The following ZSCAN5A variants were observed in gnomAD, a reference collection of about 807,000 sequenced individuals.
ZSCAN5A encodes the protein zinc finger and SCAN domain containing 5A.
ZSCAN5A carries 12 observed loss-of-function variants against 23.7 expected under a neutral mutation model. The observed-to-expected ratio is 0.51, with a 90% CI of 0.32 to 0.82. The LOEUF is 0.82. ZSCAN5A is among the 40% of genes least tolerant of loss of function. ZSCAN5A has a pLI of 0.03. For missense variants in ZSCAN5A, 597 were observed against 617.9 expected (o/e 0.97, Z 0.36); for synonymous variants, 257 against 239.9 (o/e 1.07, Z -0.66).
chr19:56,271,218 C>T (rs2037825264), intron 2 of ZSCAN5A, among the ~76,000 whole-genome samples: 1 of 152,218 alleles, frequency 6.6e-6, no homozygotes, highest in African/African-American at 2.4e-5. Flanking sequence ...CCACTGCCAG[C>T]TTCCTTATGC....
chr19:56,295,547 A>G (rs1235428382), intron 2 of ZSCAN5A, among the ~76,000 whole-genome samples: 1 of 152,124 alleles, frequency 6.6e-6, no homozygotes, highest in Non-Finnish European at 1.5e-5. Context: ...GTGAGCCGAG[A>G]TCGTCCCACT....
intron 2 of ZSCAN5A, among the ~76,000 whole-genome samples, chr19:56,243,227 G>GGGGCTGGGGTGGGTGGGC: frequency 1.3e-5 from 2 of 152,044 alleles, no homozygotes; most frequent in Non-Finnish European, 2.9e-5. Context: ...TGGGTGGGCA[G>GGGGCTGGGGTGGGTGGGC]AGGGTGATCA....
At chr19:56,312,433 C>G (rs930252453) in intron 2 of ZSCAN5A, 1 of 152,172 alleles carries the variant, frequency 6.6e-6, no homozygotes, top group Admixed American at 6.5e-5. Flanking sequence ...ACACCTAGTC[C>G]GTACACCTCA....
chr19:56,223,573 G>A (rs1175160000), intron 4 of ZSCAN5A, 58 bp downstream of exon 4: 18 of 1,578,780 alleles, frequency 1.1e-5, no homozygotes, highest in East Asian at 9.0e-5. Context: ...GCGGCCACAC[G>A]ATTTCCTCCT....
intron 2 of ZSCAN5A, among the ~76,000 whole-genome samples, chr19:56,276,801 TGCTGGGATTACAGGTGTGA>T (rs1208858809): frequency 1.3e-5 from 2 of 152,230 alleles, no homozygotes; most frequent in South Asian, 2.1e-4. Flanking sequence ...CCTCCCAAAG[TGCTGGGATTACAGGTGTGA>T]GCCACTGTGC....
At chr19:56,345,071 A>C (rs1034115499) in intron 2 of ZSCAN5A, among the ~76,000 whole-genome samples, 1 of 152,066 alleles carries the variant, frequency 6.6e-6, no homozygotes, top group Admixed American at 6.5e-5. Context: ...CGCCACTACA[A>C]ATCCAGCCTG....
chr19:56,313,854 C>G (rs2041198581), intron 1 of ZSCAN5A, among the ~76,000 whole-genome samples: 1 of 152,162 alleles, frequency 6.6e-6, no homozygotes, highest in African/African-American at 2.4e-5. Flanking sequence ...AGATTTCAAT[C>G]ATCTGGTGAG....
intron 2 of ZSCAN5A, among the ~76,000 whole-genome samples, chr19:56,238,162 A>T (rs371867138): frequency 6.6e-6 from 1 of 151,424 alleles, no homozygotes; most frequent in Non-Finnish European, 1.5e-5. Context: ...ATACGCACAC[A>T]TACACACACA....
At chr19:56,362,543 T>A (rs1394502417) in intron 2 of ZSCAN5A, among the ~76,000 whole-genome samples, 1 of 151,286 alleles carries the variant, frequency 6.6e-6, no homozygotes, top group Admixed American at 6.6e-5. Flanking sequence ...GGCAACAGAG[T>A]GAGGCTCCAT....
At chr19:56,340,270 A>G (rs747930554) in intron 2 of ZSCAN5A, among the ~76,000 whole-genome samples, 74 of 152,216 alleles carry the variant, frequency 4.9e-4, no homozygotes, top group Non-Finnish European at 8.8e-5. Flanking sequence ...CCCCCCTATC[A>G]TCTTTCTGTC....
chr19:56,367,817 A>G (rs1208401459), intron 1 of ZSCAN5A: 1 of 152,246 alleles, frequency 6.6e-6, no homozygotes, highest in African/African-American at 2.4e-5. Context: ...ATAGGGTCAC[A>G]TATCAAATCA....
intron 2 of ZSCAN5A, chr19:56,244,112 C>A: frequency 6.5e-7 from 1 of 1,533,570 alleles, no homozygotes; most frequent in Non-Finnish European, 9.0e-7. Flanking sequence ...AGAGCCGCCA[C>A]AGTCTGTGGC....
intron 2 of ZSCAN5A, among the ~76,000 whole-genome samples, chr19:56,324,046 G>C (rs539939601): frequency 4.1e-4 from 62 of 152,090 alleles, no homozygotes; most frequent in African/African-American, 1.3e-3. Context: ...AACTATAGTT[G>C]CCCTGCTGTA....
intron 4 of ZSCAN5A, 61 bp from the exon 5 acceptor site, chr19:56,222,802 A>G: frequency 6.2e-7 from 1 of 1,609,658 alleles, no homozygotes; most frequent in Non-Finnish European, 8.5e-7. Context: ...GCAGGGACAC[A>G]TCTGTCCCCT....
chr19:56,261,034 C>T (rs537021624), intron 2 of ZSCAN5A, among the ~76,000 whole-genome samples: 2 of 151,812 alleles, frequency 1.3e-5, no homozygotes, highest in Non-Finnish European at 2.9e-5. Context: ...ATGGTGAAAC[C>T]CCATCTCTAC....
chr19:56,244,116 C>G, intron 2 of ZSCAN5A: 1 of 1,552,182 alleles, frequency 6.4e-7, no homozygotes, highest in Non-Finnish European at 8.9e-7. Context: ...CCGCCACAGT[C>G]TGTGGCTTCC....
At chr19:56,343,351 G>A in intron 2 of ZSCAN5A, 1 of 577,584 alleles carries the variant, frequency 1.7e-6, no homozygotes, top group South Asian at 1.5e-5. Flanking sequence ...ATGAATGCAA[G>A]GTAGCAGTTG....
chr19:56,302,246 C>T (rs1398935636), intron 2 of ZSCAN5A, among the ~76,000 whole-genome samples: 2 of 151,888 alleles, frequency 1.3e-5, no homozygotes, highest in Non-Finnish European at 2.9e-5. Flanking sequence ...CTCTTCTTCC[C>T]ACTCTCCCAC....
intron 2 of ZSCAN5A, among the ~76,000 whole-genome samples, chr19:56,234,699 G>A (rs1219088512): frequency 3.4e-5 from 5 of 146,296 alleles, no homozygotes; most frequent in East Asian, 2.5e-4. Context: ...TCTGACCACC[G>A]GTGCATGCAG....
Sources: allele counts gnomAD v4.1 joint callset (sites outside exome capture counted in the v4.1 genomes callset), GRCh38; gene constraint gnomAD v4.1.1; transcripts MANE v1.5; gene names NCBI Gene and HGNC (gene_info 2026-07-23, HGNC 2026-07-21).